Variants in CAST observed in about 807,000 individuals in gnomAD.
The protein encoded by CAST is calpastatin, also known as MIR583 host.
A neutral mutation model predicts 119.6 loss-of-function variants in CAST; 76 were observed. The observed-to-expected ratio is 0.64, with a 90% CI of 0.53 to 0.77. The LOEUF (loss-of-function observed/expected upper bound fraction) is 0.77, where lower values mean the gene tolerates loss of function less well. Ranked by LOEUF, CAST falls within the 30% of genes least tolerant of loss-of-function variation. The probability of loss-of-function intolerance (pLI) is 0.00; values close to 1 mark genes in which losing one functional copy is unlikely to be tolerated. For synonymous variants in CAST, 319 were observed against 331.6 expected (o/e 0.96, Z 0.41); for missense variants, 953 against 946.5 (o/e 1.01, Z -0.09).
the CAST span, among the ~76,000 whole-genome samples, chr5:96,369,939 G>A: frequency 2.0e-5 from 3 of 151,880 alleles, no homozygotes; most frequent in African/African-American, 7.3e-5. Flanking sequence ...GCTATGCTTT[G>A]CACATAGTAG....
the CAST span, among the ~76,000 whole-genome samples, chr5:96,001,599 T>A: frequency 6.6e-6 from 1 of 152,224 alleles, no homozygotes; most frequent in East Asian, 1.9e-4. Context: ...TGATATTGAG[T>A]ATCCAATTCT....
the CAST span, among the ~76,000 whole-genome samples, chr5:96,418,013 A>G: frequency 1.3e-5 from 2 of 152,240 alleles, no homozygotes; most frequent in East Asian, 3.8e-4. Flanking sequence ...CAACAGAATC[A>G]ATCTGCTGAC....
At chr5:96,504,913 C>T in the CAST span, among the ~76,000 whole-genome samples, 7 of 152,168 alleles carry the variant, frequency 4.6e-5, no homozygotes, top group Non-Finnish European at 8.8e-5. Flanking sequence ...GGTTCATTCA[C>T]GTTGTTGCTC....
chr5:96,223,230 CAAAA>C, the CAST span, among the ~76,000 whole-genome samples: 1 of 152,002 alleles, frequency 6.6e-6, no homozygotes, highest in South Asian at 2.1e-4. Flanking sequence ...CCATAGTTAG[CAAAA>C]ATAGATTACA....
chr5:96,320,961 T>C, the CAST span, among the ~76,000 whole-genome samples: 1 of 152,190 alleles, frequency 6.6e-6, no homozygotes, highest in South Asian at 2.1e-4. Context: ...GTCGCCATGA[T>C]TCAGAAGTCA....
chr5:96,538,324 T>C (rs1228092435), intron 1 of CAST, among the ~76,000 whole-genome samples: 1 of 152,186 alleles, frequency 6.6e-6, no homozygotes, highest in Non-Finnish European at 1.5e-5. Context: ...TGAAACTACG[T>C]AGCAATATGT....
At chr5:96,148,593 A>C in the CAST span, among the ~76,000 whole-genome samples, 1 of 152,232 alleles carries the variant, frequency 6.6e-6, no homozygotes, top group Admixed American at 6.5e-5. Context: ...AGTCAGAGTC[A>C]GCGTTAGGAT....
chr5:95,995,853 G>A, the CAST span, among the ~76,000 whole-genome samples: 93 of 152,194 alleles, frequency 6.1e-4, no homozygotes, highest in African/African-American at 2.1e-3. Flanking sequence ...TGAGAATACT[G>A]CATACCCCTG....
chr5:96,551,292 G>C (rs772015423), intron 1 of CAST, among the ~76,000 whole-genome samples: 22 of 152,216 alleles, frequency 1.4e-4, no homozygotes, highest in East Asian at 7.7e-4. Flanking sequence ...AATTTTCAAC[G>C]CAGAATTTCA....
At position 96,687,213 on chromosome 5, in the gene CAST, G is replaced by A. The variant is rs183417357; in HGVS notation, c.139-8623G>A. 2.5e-4 allele frequency among the ~76,000 whole-genome samples: 38 copies of A among 152,282 alleles called. No homozygotes were observed. In the East Asian group the frequency reaches 3.7e-3, roughly 15 times the overall value. On this transcript the variant is annotated intron_variant, in intron 2 of 31. Transcript: ENST00000675179. ...TGGTGGAGGATGAGGGGACTTGATCGGATAGCAAGAATGGAGGATTCTGAC... is the reference window on the plus strand; with the variant it reads ...TGGTGGAGGATGAGGGGACTTGATCAGATAGCAAGAATGGAGGATTCTGAC...
chr5:96,639,947 G>A (rs2150203146), intron 1 of CAST, among the ~76,000 whole-genome samples: 1 of 152,160 alleles, frequency 6.6e-6, no homozygotes, highest in South Asian at 2.1e-4. Context: ...AATCTTACCT[G>A]TACTATTTGC....
At chr5:96,241,327 C>A in the CAST span, among the ~76,000 whole-genome samples, 5 of 150,704 alleles carry the variant, frequency 3.3e-5, no homozygotes, top group Non-Finnish European at 7.4e-5. Flanking sequence ...GTTTTTTGTT[C>A]TTGTGATAGT....
At chr5:96,256,761 A>T in the CAST span, among the ~76,000 whole-genome samples, 1 of 152,164 alleles carries the variant, frequency 6.6e-6, no homozygotes, top group African/African-American at 2.4e-5. Context: ...GATAAAATAC[A>T]TAAATATAAT....
At chr5:96,365,548 T>C in the CAST span, among the ~76,000 whole-genome samples, 1 of 152,252 alleles carries the variant, frequency 6.6e-6, no homozygotes, top group Non-Finnish European at 1.5e-5. Flanking sequence ...TTAGCTCTTC[T>C]TGTTCAATTG....
the CAST span, among the ~76,000 whole-genome samples, chr5:96,479,832 G>A: frequency 1.3e-5 from 2 of 152,018 alleles, no homozygotes; most frequent in South Asian, 2.1e-4. Flanking sequence ...GTAAATTATA[G>A]GAAGAAAAAT....
chr5:96,498,563 T>G, the CAST span, among the ~76,000 whole-genome samples: 10 of 152,192 alleles, frequency 6.6e-5, no homozygotes, highest in African/African-American at 2.4e-4. Flanking sequence ...GAATTCAATA[T>G]CAGGTTTAAG....
chr5:96,652,158 C>T (rs1024845701), intron 1 of CAST, among the ~76,000 whole-genome samples: 2 of 152,192 alleles, frequency 1.3e-5, no homozygotes, highest in African/African-American at 2.4e-5. Context: ...ACTAGGGCAG[C>T]GTCAGAGGAC....
chr5:96,603,827 T>C (rs1427828766), intron 1 of CAST, among the ~76,000 whole-genome samples: 3 of 142,512 alleles, frequency 2.1e-5, no homozygotes, highest in African/African-American at 7.8e-5. Context: ...TGCAGTGGCA[T>C]GATCATGGCT....
the CAST span, among the ~76,000 whole-genome samples, chr5:96,225,394 G>A: frequency 1.1e-4 from 16 of 152,142 alleles, no homozygotes; most frequent in East Asian, 3.9e-4. Flanking sequence ...GTAAATGGGG[G>A]CATACAGGGA....
Sources: gnomAD v4.1 joint callset for allele counts (sites outside exome capture counted in the v4.1 genomes callset) on GRCh38, gnomAD v4.1.1 for gene constraint, MANE v1.5 for transcripts, NCBI Gene and HGNC (gene_info 2026-07-23, HGNC 2026-07-21) for gene names.